The following TTLL11 variants were observed in gnomAD, a reference collection of about 807,000 sequenced individuals.
The protein encoded by TTLL11 is tubulin tyrosine ligase like 11.
A neutral mutation model predicts 51.7 loss-of-function variants in TTLL11; 42 were observed. That is an observed-to-expected ratio of 0.81 (90% CI 0.64 to 1.05). The LOEUF (loss-of-function observed/expected upper bound fraction) is 1.05, where lower values mean the gene tolerates loss of function less well. Ranked by LOEUF, TTLL11 falls within the 50% of genes least tolerant of loss-of-function variation. The pLI, the probability that TTLL11 is intolerant of heterozygous loss-of-function variation, is 0.00. For missense variants in TTLL11, 799 were observed against 940.4 expected, an observed-to-expected ratio of 0.85 and a Z score of 1.97; for synonymous variants, 381 against 383.5, an observed-to-expected ratio of 0.99 and a Z score of 0.08.
intron 6 of TTLL11, among the ~76,000 whole-genome samples, chr9:121,935,513 T>C (rs1186193136): frequency 6.6e-6 from 1 of 152,214 alleles, no homozygotes; most frequent in Non-Finnish European, 1.5e-5. Context: ...AAATTTTATC[T>C]TTCTCCTGTG....
chr9:121,983,570 G>T (rs1263886885), intron 4 of TTLL11, among the ~76,000 whole-genome samples: 3 of 152,182 alleles, frequency 2.0e-5, no homozygotes, highest in African/African-American at 7.2e-5. Context: ...CAGCAGCCAG[G>T]GAGGTAGGAG....
At chr9:121,903,243 C>A (rs529984391) in intron 6 of TTLL11, among the ~76,000 whole-genome samples, 10 of 152,230 alleles carry the variant, frequency 6.6e-5, no homozygotes, top group African/African-American at 2.2e-4. Flanking sequence ...GCTTGCCCAG[C>A]ATCACAACAA....
intron 6 of TTLL11, among the ~76,000 whole-genome samples, chr9:121,935,443 T>C (rs997461505): frequency 4.6e-5 from 7 of 152,200 alleles, no homozygotes; most frequent in African/African-American, 1.4e-4. Context: ...ACCCCACTTA[T>C]AGAACTGCTG....
At chr9:121,930,328 C>T (rs1840916451) in intron 6 of TTLL11, among the ~76,000 whole-genome samples, 1 of 152,216 alleles carries the variant, frequency 6.6e-6, no homozygotes, top group African/African-American at 2.4e-5. Flanking sequence ...TTCAATTCTT[C>T]AAAGCACTTG....
At chr9:121,997,544 T>C (rs1362798005) in intron 3 of TTLL11, among the ~76,000 whole-genome samples, 1 of 152,128 alleles carries the variant, frequency 6.6e-6, no homozygotes, top group Non-Finnish European at 1.5e-5. Context: ...CGAGTCCACA[T>C]ACTGGGTGTC....
chr9:122,079,539 G>A lies in TTLL11; in HGVS notation c.462+13148C>T, dbSNP rs981595756. On this transcript the variant is annotated intron_variant, in intron 1 of 8. Coordinates refer to ENST00000321582, the MANE Select transcript of TTLL11 (RefSeq NM_001139442.2). ...ATTCTGGCTGACATGGTGAAACCCCGTCTACTAAAAATACAAAAAATTAGC... is the reference window on the plus strand; with the variant it reads ...ATTCTGGCTGACATGGTGAAACCCCATCTACTAAAAATACAAAAAATTAGC... Among the ~76,000 whole-genome samples, 4 of 151,588 alleles carry A rather than the reference G, an allele frequency of 2.6e-5. No individual in the cohort carries two copies. In the East Asian group the frequency reaches 7.8e-4, roughly 30 times the overall value.
intron 3 of TTLL11, among the ~76,000 whole-genome samples, chr9:122,021,423 T>C (rs1844177875): frequency 6.6e-6 from 1 of 152,164 alleles, no homozygotes; most frequent in Non-Finnish European, 1.5e-5. Context: ...CAGATCAGCA[T>C]GCACGTGAGG....
rs1379069346 is a variant in TTLL11, at chr9:121,817,004, G to T, written c.*5583C>A. Reference sequence around the variant, plus strand: ...ACACACGGTGGTGAATGATCCCTCCGTGCGAGGAGGACAGCGCTCTCAGCC... The same window carrying T: ...ACACACGGTGGTGAATGATCCCTCCTTGCGAGGAGGACAGCGCTCTCAGCC... On this transcript the variant is annotated 3_prime_UTR_variant, in exon 9 of 9. Coordinates refer to ENST00000321582, the MANE Select transcript of TTLL11 (RefSeq NM_001139442.2). 1 of 152,130 alleles carries T rather than the reference G, an allele frequency of 6.6e-6. No individual in the cohort carries two copies. The highest frequency in any genetic ancestry group is 6.5e-5 in the Admixed American group (1 of 15,268). 9.4% of individuals were successfully genotyped at this position (152,130 alleles called of 1,614,324 possible).
intron 6 of TTLL11, among the ~76,000 whole-genome samples, chr9:121,919,691 G>C (rs1840453010): frequency 6.6e-6 from 1 of 152,124 alleles, no homozygotes; most frequent in Non-Finnish European, 1.5e-5. Context: ...TGGGGAGACA[G>C]TGAGTAATAC....
At chr9:121,975,007 T>C (rs1261879414) in intron 4 of TTLL11, 28 bp from the exon 5 acceptor site, 2 of 1,459,696 alleles carry the variant, frequency 1.4e-6, no homozygotes, top group African/African-American at 2.9e-5. Context: ...AATTCAGAAT[T>C]ACTGTCTCTA....
At chr9:121,922,057 C>T (rs1164735380) in intron 6 of TTLL11, among the ~76,000 whole-genome samples, 2 of 152,152 alleles carry the variant, frequency 1.3e-5, no homozygotes, top group Non-Finnish European at 2.9e-5. Flanking sequence ...TTCTAACTGC[C>T]AGCTGCTGCT....
chr9:122,019,090 C>T (rs1480260386), intron 3 of TTLL11, among the ~76,000 whole-genome samples: 2 of 152,190 alleles, frequency 1.3e-5, no homozygotes, highest in African/African-American at 2.4e-5. Flanking sequence ...TTCTTCTTCA[C>T]CCTCAATTCT....
At chr9:122,058,774 G>A (rs1845363790) in intron 1 of TTLL11, among the ~76,000 whole-genome samples, 4 of 152,158 alleles carry the variant, frequency 2.6e-5, no homozygotes, top group Admixed American at 2.6e-4. Context: ...TCCTTGAGAT[G>A]AGAGCTGTTA....
At chr9:121,968,014 T>C (rs960241921) in intron 6 of TTLL11, among the ~76,000 whole-genome samples, 47 of 152,166 alleles carry the variant, frequency 3.1e-4, no homozygotes, top group African/African-American at 1.0e-3. Context: ...GAGTGATTGC[T>C]TGATGGTTTC....
chr9:122,021,058 A>G (rs185671827), intron 3 of TTLL11, among the ~76,000 whole-genome samples: 1 of 152,306 alleles, frequency 6.6e-6, no homozygotes, highest in East Asian at 1.9e-4. Flanking sequence ...TAATAACAGA[A>G]ACTAGATTGA....
chr9:122,021,520 T>G (rs1844179854), intron 3 of TTLL11, among the ~76,000 whole-genome samples: 1 of 152,152 alleles, frequency 6.6e-6, no homozygotes, highest in African/African-American at 2.4e-5. Context: ...CCAGGAGTAG[T>G]GTCTTTCTCA....
intron 1 of TTLL11, among the ~76,000 whole-genome samples, chr9:122,053,108 C>T (rs1050690379): frequency 4.6e-5 from 7 of 152,114 alleles, no homozygotes; most frequent in Admixed American, 2.6e-4. Context: ...AGAAGCTGGC[C>T]GTCCACAAAC....
intron 6 of TTLL11, chr9:121,884,560 G>C (rs933406713): frequency 6.6e-6 from 1 of 152,136 alleles, no homozygotes; most frequent in African/African-American, 2.4e-5. Flanking sequence ...CACAATGCTC[G>C]GGAGAAAAGT....
At chr9:122,007,361 C>T (rs1052243162) in intron 3 of TTLL11, among the ~76,000 whole-genome samples, 4 of 151,410 alleles carry the variant, frequency 2.6e-5, no homozygotes, top group African/African-American at 9.7e-5. Flanking sequence ...TGGTGGCGGA[C>T]GCCTGTAGGA....
Sources: allele counts gnomAD v4.1 joint callset (sites outside exome capture counted in the v4.1 genomes callset), GRCh38; gene constraint gnomAD v4.1.1; transcripts MANE v1.5; gene names NCBI Gene and HGNC (gene_info 2026-07-23, HGNC 2026-07-21).